Variants in ATRNL1 observed in about 807,000 individuals in gnomAD.
ATRNL1 encodes the protein attractin-like protein 1.
A neutral mutation model predicts 182.7 loss-of-function variants in ATRNL1; 95 were observed. The observed-to-expected ratio is 0.52, with a 90% CI of 0.44 to 0.62. The LOEUF (loss-of-function observed/expected upper bound fraction) is 0.62. Among genes scored for constraint, ATRNL1 ranks in the 20% least tolerant of loss-of-function variants. The probability of loss-of-function intolerance (pLI) is 0.00; values close to 1 mark genes in which losing one functional copy is unlikely to be tolerated. For synonymous variants in ATRNL1, 576 were observed against 568.3 expected (o/e 1.01, Z -0.19); for missense variants, 1,471 against 1,679.5 (o/e 0.88, Z 2.17).
chr10:115,653,434 C>A lies in ATRNL1; in HGVS notation c.3796-73814C>A, dbSNP rs545754698. ...CAGATTTTCTCTTCACCCTAACTGG[C>A]TTTGCTCTGAACCCACCATGGTTTT... On this transcript the variant is annotated intron_variant, in intron 26 of 28. Coordinates refer to ENST00000355044, the MANE Select transcript of ATRNL1 (RefSeq NM_207303.4). 2.0e-5 allele frequency among the ~76,000 whole-genome samples: 3 copies of A among 152,268 alleles called. No individual in the cohort carries two copies. The East Asian group carries it at 5.8e-4, about 29-fold the overall frequency.
chr10:115,831,096 G>T (rs1158456665), intron 27 of ATRNL1, among the ~76,000 whole-genome samples: 8 of 152,088 alleles, frequency 5.3e-5, no homozygotes, highest in Admixed American at 5.2e-4. Flanking sequence ...AATTTCCTAA[G>T]ATAAATGCTC....
At chr10:115,097,850 G>A (rs562583860) in intron 1 of ATRNL1, among the ~76,000 whole-genome samples, 1 of 152,298 alleles carries the variant, frequency 6.6e-6, no homozygotes, top group East Asian at 1.9e-4. Flanking sequence ...CTTGAACCCA[G>A]GAGGCGGAGG....
chr10:115,713,926 A>G (rs1244765812), intron 26 of ATRNL1, among the ~76,000 whole-genome samples: 8 of 152,208 alleles, frequency 5.3e-5, no homozygotes, highest in South Asian at 2.1e-4. Flanking sequence ...GTAAATTTAG[A>G]ACTTGACTTC....
intron 27 of ATRNL1, among the ~76,000 whole-genome samples, chr10:115,763,746 A>G (rs540740631): frequency 3.3e-5 from 5 of 152,320 alleles, no homozygotes; most frequent in Admixed American, 3.3e-4. Context: ...ATGTATATAT[A>G]CAGACATATA....
At chr10:115,547,448 G>GC (rs1442700035) in intron 25 of ATRNL1, among the ~76,000 whole-genome samples, 1 of 151,892 alleles carries the variant, frequency 6.6e-6, no homozygotes, top group African/African-American at 2.4e-5. Flanking sequence ...ATCTTTTATA[G>GC]CCCTTTCAAG....
chr10:115,622,743 C>T lies in ATRNL1; in HGVS notation c.3795+73207C>T, dbSNP rs536892843. 3.4e-4 allele frequency among the ~76,000 whole-genome samples: 52 copies of T among 152,134 alleles called. No homozygotes were observed. In the East Asian group the frequency reaches 3.9e-3, roughly 11 times the overall value. On this transcript the variant is annotated intron_variant, in intron 26 of 28. Coordinates refer to ENST00000355044, the MANE Select transcript of ATRNL1 (RefSeq NM_207303.4). Reference sequence around the variant, plus strand: ...GAGATCGAGACCATCCTGGCTTACACGGTGAAACCCCGTCTCTACTAAAAA... The same window carrying T: ...GAGATCGAGACCATCCTGGCTTACATGGTGAAACCCCGTCTCTACTAAAAA...
chr10:115,628,701 C>A (rs2133823789), intron 26 of ATRNL1, among the ~76,000 whole-genome samples: 1 of 152,248 alleles, frequency 6.6e-6, no homozygotes, highest in Middle Eastern at 3.4e-3. Flanking sequence ...AACAGATTTG[C>A]TTTAGCTCTT....
intron 8 of ATRNL1, among the ~76,000 whole-genome samples, chr10:115,198,857 G>C (rs1213224823): frequency 6.6e-6 from 1 of 152,094 alleles, no homozygotes; most frequent in African/African-American, 2.4e-5. Flanking sequence ...CTGTTTCACT[G>C]GTCTTGTGTT....
chr10:115,207,202 C>A (rs1265768188), intron 8 of ATRNL1, among the ~76,000 whole-genome samples: 2 of 151,984 alleles, frequency 1.3e-5, no homozygotes, highest in Non-Finnish European at 2.9e-5. Flanking sequence ...GGGTATATAC[C>A]CAGTAATGGG....
At chr10:115,328,469 C>A (rs1855034420) in intron 18 of ATRNL1, among the ~76,000 whole-genome samples, 1 of 152,098 alleles carries the variant, frequency 6.6e-6, no homozygotes, top group African/African-American at 2.4e-5. Context: ...ATTTGAAATG[C>A]ATTATTGTTA....
At chr10:115,522,751 A>T (rs1851008547) in intron 25 of ATRNL1, among the ~76,000 whole-genome samples, 1 of 152,206 alleles carries the variant, frequency 6.6e-6, no homozygotes, top group Non-Finnish European at 1.5e-5. Context: ...AATCAAAATC[A>T]AATTATTTAT....
chr10:115,577,607 A>AG (rs1854798437), intron 26 of ATRNL1, among the ~76,000 whole-genome samples: 6 of 74,514 alleles, frequency 8.1e-5, no homozygotes, highest in Non-Finnish European at 1.3e-4. Flanking sequence ...TTGTTCTAAC[A>AG]GGTTGTGTGT....
rs533485639 is a variant in ATRNL1, at chr10:115,453,796, G to T, written c.3323-8145G>T. On this transcript the variant is annotated intron_variant, in intron 21 of 28. Transcript: ENST00000355044. ...GGAACATCACACTCTGGGGACTGTT[G>T]TGGGGTTGGGGGAGGGGGGAGGGAT... Among the ~76,000 whole-genome samples the T allele has an allele frequency of 1.5e-3, 223 of 145,028 alleles. 1 individual carries two copies. Among genetic ancestry groups the T allele is most frequent in the Non-Finnish European group, 2.9e-3 (192 of 66,360 alleles).
chr10:115,162,352 G>A (rs1488569200), intron 6 of ATRNL1, among the ~76,000 whole-genome samples: 25 of 152,108 alleles, frequency 1.6e-4, no homozygotes, highest in Non-Finnish European at 3.1e-4. Flanking sequence ...AAAACTTGAA[G>A]GAGATCAGAG....
chr10:115,351,698 G>A (rs1380453582), intron 19 of ATRNL1, among the ~76,000 whole-genome samples: 5 of 151,356 alleles, frequency 3.3e-5, no homozygotes, highest in Non-Finnish European at 5.9e-5. Context: ...ACAGATTTTT[G>A]CATCTTGTTC....
chr10:115,096,623 C>T, intron 1 of ATRNL1: 2 of 1,279,110 alleles, frequency 1.6e-6, no homozygotes, highest in Non-Finnish European at 2.0e-6. Context: ...TCCATGGTAA[C>T]TTAGCTTTTT....
intron 28 of ATRNL1, among the ~76,000 whole-genome samples, chr10:115,942,461 T>C (rs1315712934): frequency 6.6e-6 from 1 of 152,224 alleles, no homozygotes; most frequent in African/African-American, 2.4e-5. Flanking sequence ...ACAGACTCCT[T>C]GGGCTTGGCC....
intron 28 of ATRNL1, among the ~76,000 whole-genome samples, chr10:115,879,706 G>T (rs1555108101): frequency 6.6e-6 from 1 of 152,152 alleles, no homozygotes; most frequent in Non-Finnish European, 1.5e-5. Flanking sequence ...GCAATAGATT[G>T]TAAATGATAA....
chr10:115,274,782 TCA>T (rs1554914379), intron 13 of ATRNL1, among the ~76,000 whole-genome samples: 1 of 152,182 alleles, frequency 6.6e-6, no homozygotes, highest in Non-Finnish European at 1.5e-5. Context: ...CTAACAAATT[TCA>T]AGAAAGAAGC....
Sources: allele counts gnomAD v4.1 joint callset (sites outside exome capture counted in the v4.1 genomes callset), GRCh38; gene constraint gnomAD v4.1.1; transcripts MANE v1.5; gene names NCBI Gene and HGNC (gene_info 2026-07-23, HGNC 2026-07-21).